The following ALCAM variants were observed in gnomAD, a reference collection of about 807,000 sequenced individuals.
ALCAM encodes activated leukocyte cell adhesion molecule.
In ALCAM, 30 loss-of-function variants were observed where a neutral mutation model predicts 70.9. That is an observed-to-expected ratio of 0.42 (90% CI 0.32 to 0.57). The LOEUF (loss-of-function observed/expected upper bound fraction) is 0.57, where lower values mean the gene tolerates loss of function less well. Among genes scored for constraint, ALCAM ranks in the 20% least tolerant of loss-of-function variants. The pLI is 0.11. For synonymous variants in ALCAM, 249 were observed against 242.5 expected (o/e 1.03, Z -0.25); for missense variants, 591 against 695.1 (o/e 0.85, Z 1.68).
intron 1 of ALCAM, among the ~76,000 whole-genome samples, chr3:105,476,462 A>G (rs562961232): frequency 2.0e-5 from 3 of 152,180 alleles, no homozygotes; most frequent in South Asian, 2.1e-4. Context: ...TTATATCCCA[A>G]TAAGTACCCC....
intron 1 of ALCAM, among the ~76,000 whole-genome samples, chr3:105,396,004 A>G (rs546626290): frequency 6.6e-6 from 1 of 152,114 alleles, no homozygotes; most frequent in East Asian, 1.9e-4. Context: ...GGACCAGTCA[A>G]CTAACATTGG....
chr3:105,370,173 CAT>C (rs949032575), intron 1 of ALCAM, among the ~76,000 whole-genome samples: 2 of 152,144 alleles, frequency 1.3e-5, no homozygotes, highest in African/African-American at 4.8e-5. Context: ...ATGTTTGAAA[CAT>C]ATCAATTGAT....
chr3:105,420,295 A>G (rs1936615360), intron 1 of ALCAM, among the ~76,000 whole-genome samples: 1 of 151,588 alleles, frequency 6.6e-6, no homozygotes, highest in Admixed American at 6.6e-5. Flanking sequence ...TATTTTTAAT[A>G]TAGAATTCTG....
At position 105,540,113 on chromosome 3, in the gene ALCAM, A is replaced by C; in HGVS notation, c.858+11A>C. 6.2e-7 allele frequency: 1 copy of C among 1,608,894 alleles called. No homozygotes were observed. The highest frequency in any genetic ancestry group is 1.1e-5 in the South Asian group (1 of 90,798). On this transcript the variant is annotated intron_variant, in intron 7 of 15. Transcript: ENST00000306107. ...TTGTTTTACTTACCAGTAAGTGCTTAAGTATTACTTCAGTTGGATGACTAT... is the reference window on the plus strand; with the variant it reads ...TTGTTTTACTTACCAGTAAGTGCTTCAGTATTACTTCAGTTGGATGACTAT...
At chr3:105,566,010 A>G (rs1181612515) in intron 14 of ALCAM, among the ~76,000 whole-genome samples, 2 of 152,214 alleles carry the variant, frequency 1.3e-5, no homozygotes, top group Admixed American at 1.3e-4. Flanking sequence ...ATTGTCATCA[A>G]GTGCAACTAG....
intron 1 of ALCAM, among the ~76,000 whole-genome samples, chr3:105,498,107 C>T (rs897576207): frequency 2.6e-5 from 4 of 151,394 alleles, no homozygotes; most frequent in African/African-American, 9.7e-5. Flanking sequence ...TGATATCGTA[C>T]ATTCATTATC....
At chr3:105,460,149 A>G (rs1169833567) in intron 1 of ALCAM, among the ~76,000 whole-genome samples, 1 of 152,040 alleles carries the variant, frequency 6.6e-6, no homozygotes, top group Non-Finnish European at 1.5e-5. Context: ...TTGATTGTGC[A>G]TGCAGAAAGG....
chr3:105,525,072 A>G, intron 3 of ALCAM: 1 of 930,430 alleles, frequency 1.1e-6, no homozygotes, highest in Non-Finnish European at 1.3e-6. Flanking sequence ...AGAGATATAG[A>G]TACATTTCCA....
chr3:105,405,147 C>T (rs1349164676), intron 1 of ALCAM, among the ~76,000 whole-genome samples: 10 of 151,762 alleles, frequency 6.6e-5, no homozygotes, highest in Non-Finnish European at 1.2e-4. Context: ...CGTGGTGGCA[C>T]ATGCCTGTAA....
At chr3:105,407,714 A>G (rs1217171907) in intron 1 of ALCAM, among the ~76,000 whole-genome samples, 1 of 152,174 alleles carries the variant, frequency 6.6e-6, no homozygotes, top group Non-Finnish European at 1.5e-5. Flanking sequence ...TGGAAGTCCT[A>G]TTCAGAGCAA....
At chr3:105,463,902 T>G (rs1937644131) in intron 1 of ALCAM, among the ~76,000 whole-genome samples, 1 of 151,442 alleles carries the variant, frequency 6.6e-6, no homozygotes, top group Non-Finnish European at 1.5e-5. Flanking sequence ...TATGGGTGAT[T>G]GACAATTTAT....
In ALCAM at chr3:105,534,518, C is replaced by G. The variant is rs1352032640; in HGVS notation, c.548-145C>G. ...CTGATTCACGGTTTTGAAACGACAT[C>G]TAACCTCACTACATGTCAATTTTCT... On this transcript the variant is annotated intron_variant, in intron 5 of 15. Transcript: ENST00000306107. 3 of 718,144 alleles carry G rather than the reference C, an allele frequency of 4.2e-6. No individual in the cohort carries two copies. The Admixed American group carries it at 7.6e-5, about 18-fold the overall frequency. The allele number at this position is 718,144 out of a possible 1,614,324, so 44.5% of individuals were successfully genotyped here.
At position 105,464,367 on chromosome 3, in the gene ALCAM, T is replaced by C. The variant is rs552087321; in HGVS notation, c.74-55700T>C. 3.3e-4 allele frequency among the ~76,000 whole-genome samples: 47 copies of C among 143,970 alleles called. No homozygotes were observed. The East Asian group carries it at 0.01, about 31-fold the overall frequency. The allele number at this position is 143,970 out of a possible 152,430, so 94.4% of individuals were successfully genotyped here. ...TAGTTATGGGGGGTAAAATGAAAAC[T>C]TTAAAAGAAATATTTTCTATTTAAC... On this transcript the variant is annotated intron_variant, in intron 1 of 15. Coordinates refer to ENST00000306107, the MANE Select transcript of ALCAM (RefSeq NM_001627.4).
intron 1 of ALCAM, among the ~76,000 whole-genome samples, chr3:105,400,397 A>G (rs966007538): frequency 3.3e-5 from 5 of 152,182 alleles, no homozygotes; most frequent in Admixed American, 6.5e-5. Flanking sequence ...TTTTGCAGGT[A>G]TGAAATATTG....
rs75122469 is a variant in ALCAM at position 105,479,296 on chromosome 3, G to A, written c.74-40771G>A. ...AATAGAAAAACCTTACCAAAATGAG[G>A]CAAATATATACTACAGGATAAGGTC... On this transcript the variant is annotated intron_variant, in intron 1 of 15. Coordinates refer to ENST00000306107, the MANE Select transcript of ALCAM (RefSeq NM_001627.4). 5.7e-3 allele frequency among the ~76,000 whole-genome samples: 870 copies of A among 152,110 alleles called. 7 individuals carry two copies. Among genetic ancestry groups the A allele is most frequent in the African/African-American group, 0.02 (840 of 41,502 alleles).
chr3:105,454,611 A>G (rs1181784513), intron 1 of ALCAM, among the ~76,000 whole-genome samples: 4 of 150,158 alleles, frequency 2.7e-5, no homozygotes, highest in Non-Finnish European at 4.4e-5. Flanking sequence ...TTATTTCTCA[A>G]TAGCACCTAG....
At chr3:105,458,119 A>G (rs1369779816) in intron 1 of ALCAM, among the ~76,000 whole-genome samples, 1 of 151,988 alleles carries the variant, frequency 6.6e-6, no homozygotes, top group Non-Finnish European at 1.5e-5. Flanking sequence ...GAACTAACAC[A>G]GTGCAACTTA....
chr3:105,505,881 A>G (rs938244184), intron 1 of ALCAM, among the ~76,000 whole-genome samples: 61 of 152,284 alleles, frequency 4.0e-4, no homozygotes, highest in African/African-American at 1.4e-3. Flanking sequence ...TGGCTTTCCC[A>G]CAGAAATCAT....
chr3:105,435,307 A>G (rs1257680271), intron 1 of ALCAM, among the ~76,000 whole-genome samples: 1 of 152,220 alleles, frequency 6.6e-6, no homozygotes, highest in African/African-American at 2.4e-5. Flanking sequence ...CGTGTCTCCT[A>G]GAGCTGTTAA....
Sources: gnomAD v4.1 joint callset for allele counts (sites outside exome capture counted in the v4.1 genomes callset) on GRCh38, gnomAD v4.1.1 for gene constraint, MANE v1.5 for transcripts, NCBI Gene and HGNC (gene_info 2026-07-23, HGNC 2026-07-21) for gene names.